Variants in PDE6A observed in about 807,000 individuals in gnomAD.
The protein encoded by PDE6A is rod cGMP-specific 3',5'-cyclic phosphodiesterase subunit alpha.
PDE6A carries 84 observed loss-of-function variants against 106.3 expected under a neutral mutation model. That is an observed-to-expected ratio of 0.79 (90% CI 0.66 to 0.95). PDE6A has a LOEUF of 0.95. PDE6A is among the 40% of genes least tolerant of loss of function. PDE6A has a pLI of 0.00. For missense variants in PDE6A, 1,052 were observed against 1,084.9 expected, an observed-to-expected ratio of 0.97 and a Z score of 0.43; for synonymous variants, 394 against 386.6, an observed-to-expected ratio of 1.02 and a Z score of -0.23.
chr5:149,889,565 C>G (rs2113567231), intron 13 of PDE6A, among the ~76,000 whole-genome samples: 1 of 152,224 alleles, frequency 6.6e-6, no homozygotes, highest in Middle Eastern at 3.4e-3. Flanking sequence ...ATCTCAGCCT[C>G]CTGAGTAGCT....
At chr5:149,930,935 C>T in intron 4 of PDE6A, 93 bp downstream of exon 4, 3 of 1,274,464 alleles carry the variant, frequency 2.4e-6, no homozygotes, top group Non-Finnish European at 3.4e-6. Context: ...CAGCCTCTTC[C>T]CCCGTGCAAT....
rs890159112 is a variant in PDE6A, at chr5:149,874,245, A to G, written c.2136-6087T>C. On this transcript the variant is annotated intron_variant, in intron 17 of 21. Transcript: ENST00000255266. ...ACAGGTTAAAGGGTTCAGTCCCACA[A>G]GACTGCCTCACTTCAGAGGCCAGCC... 3.9e-5 allele frequency among the ~76,000 whole-genome samples: 6 copies of G among 152,198 alleles called. No homozygotes were observed. Among genetic ancestry groups the G allele is most frequent in the Non-Finnish European group, 8.8e-5 (6 of 68,030 alleles).
intron 6 of PDE6A, among the ~76,000 whole-genome samples, chr5:149,910,874 C>CTT (rs386405293): frequency 0.053 from 4,648 of 87,072 alleles, 718 homozygotes; most frequent in African/African-American, 0.18. Context: ...TTTCTTTTTC[C>CTT]TTTTTTTTTT....
intron 15 of PDE6A, 29 bp downstream of exon 15, chr5:149,884,751 G>A (rs528590475): frequency 3.0e-4 from 485 of 1,591,140 alleles, no homozygotes; most frequent in Non-Finnish European, 3.9e-4. Context: ...CAGGCCCCGC[G>A]GCCTGTAGAC....
chr5:149,914,114 A>G (rs1253897971), intron 6 of PDE6A, among the ~76,000 whole-genome samples: 1 of 152,202 alleles, frequency 6.6e-6, no homozygotes, highest in African/African-American at 2.4e-5. Context: ...CATTCTATAC[A>G]TGGGACTCTA....
At chr5:149,862,204 T>C (rs1418315895) in intron 21 of PDE6A, among the ~76,000 whole-genome samples, 3 of 152,046 alleles carry the variant, frequency 2.0e-5, no homozygotes, top group African/African-American at 7.2e-5. Flanking sequence ...AAGAAATGAC[T>C]TGGGGGAGGG....
chr5:149,863,242 T>C lies in PDE6A; in HGVS notation c.2383A>G (p.Ile795Val). 2 of 1,614,144 alleles carry C rather than the reference T, an allele frequency of 1.2e-6. No homozygotes were observed. Among genetic ancestry groups the C allele is most frequent in the Non-Finnish European group, 1.7e-6 (2 of 1,180,032 alleles). ...YKEFSRFHEE[I>V]TPMLDGITNN... ...GTGATCCCGTCCAACATTGGGGTGA[T>C]CTCCTCGTGGAAACGGGAGAATTCC... Residue 795 changes from isoleucine to valine, a missense_variant, in exon 21 of 22, where the codon ATC becomes GTC. This residue lies in a region of PDE6A where 135 missense variants were observed against 153.2 expected (regional missense o/e 0.88). Coordinates refer to ENST00000255266, the MANE Select transcript of PDE6A (RefSeq NM_000440.3). The surrounding 1 kb of genome is among the most constrained non-coding windows in gnomAD (Gnocchi z 4.7).
chr5:149,933,027 C>A (rs112126475), intron 3 of PDE6A, among the ~76,000 whole-genome samples: 1 of 152,182 alleles, frequency 6.6e-6, no homozygotes, highest in African/African-American at 2.4e-5. Flanking sequence ...GAGTCTTACT[C>A]TGTCATCCAG....
intron 3 of PDE6A, chr5:149,931,877 T>A: frequency 3.2e-6 from 2 of 619,246 alleles, no homozygotes; most frequent in South Asian, 2.1e-5. Flanking sequence ...ACCTCCAGAG[T>A]TTCTGGAAGA....
At chr5:149,913,789 AGAG>A (rs1753464423) in intron 6 of PDE6A, among the ~76,000 whole-genome samples, 1 of 152,240 alleles carries the variant, frequency 6.6e-6, no homozygotes, top group Non-Finnish European at 1.5e-5. Context: ...GGATTCAAAC[AGAG>A]AAGAAGGTAA....
intron 8 of PDE6A, among the ~76,000 whole-genome samples, chr5:149,902,437 C>T (rs1447411039): frequency 6.6e-6 from 1 of 151,866 alleles, no homozygotes; most frequent in African/African-American, 2.4e-5. Flanking sequence ...TTGTCTGGCC[C>T]ACCACTGTAG....
At chr5:149,937,935 C>G (rs183801053) in intron 1 of PDE6A, among the ~76,000 whole-genome samples, 19 of 152,332 alleles carry the variant, frequency 1.2e-4, no homozygotes, top group Non-Finnish European at 2.5e-4. Context: ...ACAGTTGCTC[C>G]ACTTATTCAT....
chr5:149,922,966 C>G (rs1245492742), intron 4 of PDE6A, among the ~76,000 whole-genome samples: 1 of 152,232 alleles, frequency 6.6e-6, no homozygotes, highest in Non-Finnish European at 1.5e-5. Context: ...ATTACTGTAA[C>G]AAATGGTCGA....
At position 149,884,836 on chromosome 5, in the gene PDE6A, A is replaced by G. The variant is rs1752222489; in HGVS notation, c.1870T>C (p.Ser624Pro). 2 of 1,613,980 alleles carry G rather than the reference A, an allele frequency of 1.2e-6. No homozygotes were observed. Among genetic ancestry groups the G allele is most frequent in the African/African-American group, 2.7e-5 (2 of 74,888 alleles). ...SQNPLAKLHG[S>P]SILERHHLEF... ...AAGTGGTGTCTTTCCAAGATAGAGG[A>G]CCCATGGAGCTTGGCCAGTGGGTTC... Residue 624 changes from serine (S) to proline (P), a missense_variant, in exon 15 of 22, where the codon TCC (serine) becomes CCC (proline). Transcript: ENST00000255266.
At position 149,895,855 on chromosome 5, in the gene PDE6A, A is replaced by T. The variant is rs1344083080; in HGVS notation, c.1620+501T>A. 3.3e-5 allele frequency among the ~76,000 whole-genome samples: 5 copies of T among 152,064 alleles called. No homozygotes were observed. The East Asian group carries it at 9.6e-4, about 29-fold the overall frequency. On this transcript the variant is annotated intron_variant, in intron 12 of 21. Coordinates refer to ENST00000255266, the MANE Select transcript of PDE6A (RefSeq NM_000440.3). ...TCTGATAAGTTCTTAGGTGGTGTGG[A>T]TGTGGTCTGGGGTAACACTTTGAGA... is the stretch of plus-strand genomic sequence containing the variant.
chr5:149,930,262 TC>T (rs776421551), intron 4 of PDE6A, among the ~76,000 whole-genome samples: 32 of 152,212 alleles, frequency 2.1e-4, no homozygotes, highest in Non-Finnish European at 4.4e-4. Flanking sequence ...AACCCCAGAT[TC>T]TGTGATCCAT....
chr5:149,871,019 G>A (rs1276928872), intron 17 of PDE6A, among the ~76,000 whole-genome samples: 1 of 152,128 alleles, frequency 6.6e-6, no homozygotes, highest in South Asian at 2.1e-4. Context: ...CATCTAAGAG[G>A]TGACAATGGA....
chr5:149,934,241 T>C (rs1364091238), intron 2 of PDE6A, among the ~76,000 whole-genome samples: 2 of 152,260 alleles, frequency 1.3e-5, no homozygotes, highest in Non-Finnish European at 2.9e-5. Context: ...AAATAGCTAC[T>C]ATTTATTAAT....
chr5:149,868,602 G>T (rs1760421014), intron 17 of PDE6A, among the ~76,000 whole-genome samples: 1 of 152,196 alleles, frequency 6.6e-6, no homozygotes, highest in East Asian at 1.9e-4. Flanking sequence ...CATCTTCAGA[G>T]TCCCTTTGCT....
Sources: allele counts gnomAD v4.1 joint callset (sites outside exome capture counted in the v4.1 genomes callset), GRCh38; gene constraint gnomAD v4.1.1; regional missense constraint gnomAD v4.1.1; non-coding constraint Gnocchi (gnomAD v3.1); transcripts MANE v1.5; gene names NCBI Gene and HGNC (gene_info 2026-07-23, HGNC 2026-07-21).